PPM1E: variants seen among roughly 807,000 people sequenced by gnomAD.
PPM1E encodes protein phosphatase, Mg2+/Mn2+ dependent 1E, also known as protein phosphatase 1E.
PPM1E carries 20 observed loss-of-function variants against 65.9 expected under a neutral mutation model. The observed-to-expected ratio is 0.30, with a 90% CI of 0.21 to 0.44. PPM1E has a LOEUF of 0.44. Ranked by LOEUF, PPM1E falls within the 20% of genes least tolerant of loss-of-function variation. PPM1E has a pLI of 1.00. For missense variants in PPM1E, 713 were observed against 953.1 expected (o/e 0.75, Z 3.32); for synonymous variants, 352 against 374.9 (o/e 0.94, Z 0.70).
intron 1 of PPM1E, among the ~76,000 whole-genome samples, chr17:58,772,510 T>C (rs2049950257): frequency 1.3e-5 from 2 of 151,032 alleles, no homozygotes; most frequent in African/African-American, 4.9e-5. Context: ...CTGAGACACA[T>C]TTGCCAAAGT....
At chr17:58,915,506 G>C (rs377765412) in intron 1 of PPM1E, among the ~76,000 whole-genome samples, 3 of 152,134 alleles carry the variant, frequency 2.0e-5, no homozygotes, top group Non-Finnish European at 2.9e-5. Context: ...ATGCCTAACT[G>C]TCTGAGAATG....
intron 1 of PPM1E, among the ~76,000 whole-genome samples, chr17:58,906,945 G>T (rs2051565293): frequency 6.6e-6 from 1 of 152,082 alleles, no homozygotes; most frequent in African/African-American, 2.4e-5. Flanking sequence ...TTATTTAGAA[G>T]TGAATTGTTG....
At chr17:58,831,804 C>CT (rs2050608793) in intron 1 of PPM1E, among the ~76,000 whole-genome samples, 1 of 152,114 alleles carries the variant, frequency 6.6e-6, no homozygotes, top group East Asian at 1.9e-4. Context: ...ATTTGTTAAT[C>CT]TTTTTTGTCT....
chr17:58,794,053 C>T (rs751254361), intron 1 of PPM1E, among the ~76,000 whole-genome samples: 10 of 152,080 alleles, frequency 6.6e-5, no homozygotes, highest in Admixed American at 1.3e-4. Context: ...AGCAATTCTC[C>T]CTGCCTCAGC....
intron 1 of PPM1E, among the ~76,000 whole-genome samples, chr17:58,948,589 G>A (rs928359645): frequency 1.3e-4 from 20 of 152,128 alleles, no homozygotes; most frequent in Admixed American, 2.6e-4. Flanking sequence ...AATGTTTAAC[G>A]CTGGAGCCTT....
At chr17:58,773,814 G>T (rs530423493) in intron 1 of PPM1E, among the ~76,000 whole-genome samples, 1 of 152,054 alleles carries the variant, frequency 6.6e-6, no homozygotes, top group Non-Finnish European at 1.5e-5. Flanking sequence ...GCTCCTGCCC[G>T]CGCCTACTGA....
intron 1 of PPM1E, among the ~76,000 whole-genome samples, chr17:58,800,794 T>C (rs887316803): frequency 6.6e-6 from 1 of 152,150 alleles, no homozygotes; most frequent in Non-Finnish European, 1.5e-5. Context: ...TGGGTGATGG[T>C]CTCTGTTCTT....
At chr17:58,856,890 A>G (rs1457197946) in intron 1 of PPM1E, among the ~76,000 whole-genome samples, 1 of 152,238 alleles carries the variant, frequency 6.6e-6, no homozygotes, top group Non-Finnish European at 1.5e-5. Context: ...TAATACAGTC[A>G]TGATAGTAAT....
At chr17:58,832,642 G>C (rs773121065) in intron 1 of PPM1E, among the ~76,000 whole-genome samples, 4 of 152,112 alleles carry the variant, frequency 2.6e-5, no homozygotes, top group Non-Finnish European at 4.4e-5. Flanking sequence ...TATTTTTAGA[G>C]TCATGTAGAA....
chr17:58,900,387 G>C (rs1253694843), intron 1 of PPM1E, among the ~76,000 whole-genome samples: 1 of 152,194 alleles, frequency 6.6e-6, no homozygotes, highest in African/African-American at 2.4e-5. Context: ...TCAGTCAGCA[G>C]CCATCAACGT....
Position 58,980,320 on chromosome 17 carries a change from G to A in PPM1E, c.1557G>A (p.Lys519=), listed in dbSNP as rs2031281605. 1 of 1,614,010 alleles carries A rather than the reference G, an allele frequency of 6.2e-7. No individual in the cohort carries two copies. The highest frequency in any genetic ancestry group is 1.7e-5 in the Admixed American group (1 of 60,008). The change falls in exon 7 of 7, where the codon AAG becomes AAA. Residue 519 remains lysine (K), a synonymous_variant. Coordinates refer to ENST00000308249, the MANE Select transcript of PPM1E (RefSeq NM_014906.5). The surrounding 1 kb of genome is among the most constrained non-coding windows in gnomAD (Gnocchi z 4.7). The stretch of plus-strand genomic sequence containing the variant: ...GGCAAGAAGATGGTGGGGATGATAA[G>A]GAGAATCATGGAGAGTGCAAACGCC... The part of the protein sequence containing the change: ...QGGQEDGGDD[K]ENHGECKRPW...
At chr17:58,912,184 A>G (rs529922798) in intron 1 of PPM1E, among the ~76,000 whole-genome samples, 1 of 152,270 alleles carries the variant, frequency 6.6e-6, no homozygotes, top group South Asian at 2.1e-4. Context: ...GTATGTTCGG[A>G]TATGTCTGGG....
rs777582558 is a variant in PPM1E, at chr17:58,980,589, A to C, written c.1826A>C (p.Glu609Ala). ...KANLINELMM[E>A]KKSVQSSLPE... is the part of the protein sequence containing the mutation. ...AATCTTATTAATGAGTTAATGATGG[A>C]GAAAAAATCAGTTCAGTCATCATTG... Residue 609 changes from glutamate to alanine, a missense_variant, in exon 7 of 7, where the codon GAG becomes GCG. Physicochemically the swap from Glu to Ala is moderately radical, Grantham distance 107 (BLOSUM62 -1). This residue lies in a region of PPM1E where 286 missense variants were observed against 313.8 expected (regional missense o/e 0.91). Transcript: ENST00000308249. The surrounding 1 kb of genome is among the most constrained non-coding windows in gnomAD (Gnocchi z 4.7). 6.2e-6 allele frequency: 10 copies of C among 1,614,080 alleles called. No homozygotes were observed. In the South Asian group the frequency reaches 1.1e-4, roughly 18 times the overall value.
Position 58,965,768 on chromosome 17 carries a change from T to A in PPM1E, c.658T>A (p.Phe220Ile), listed in dbSNP as rs751194838. The change falls in exon 3 of 7, where the codon TTC becomes ATC. Residue 220 changes from phenylalanine (F) to isoleucine (I), a missense_variant. By Grantham distance (21) the Phe-to-Ile change is conservative. Coordinates refer to ENST00000308249, the MANE Select transcript of PPM1E (RefSeq NM_014906.5). ...GATTTGCTGCAGCTGGGTGAAAGAC[T>A]TCCCCCTCCGCAGGAGACCCCAGCT... ...HEICCSWVKD[F>I]PLRRRPQLYY... 2.5e-6 allele frequency: 4 copies of A among 1,614,016 alleles called. No homozygotes were observed. Among genetic ancestry groups the A allele is most frequent in the African/African-American group, 2.7e-5 (2 of 74,904 alleles).
chr17:58,940,363 T>C (rs577445675), intron 1 of PPM1E, among the ~76,000 whole-genome samples: 76 of 152,364 alleles, frequency 5.0e-4, no homozygotes, highest in African/African-American at 1.8e-3. Context: ...TTATTCATGC[T>C]AAGTGTTACA....
chr17:58,772,466 A>G (rs1191346364), intron 1 of PPM1E, among the ~76,000 whole-genome samples: 7 of 152,072 alleles, frequency 4.6e-5, no homozygotes, highest in Admixed American at 4.6e-4. Context: ...AAAAAAAAAA[A>G]AGATATAGCA....
At chr17:58,809,541 G>A (rs1295686994) in intron 1 of PPM1E, among the ~76,000 whole-genome samples, 1 of 152,040 alleles carries the variant, frequency 6.6e-6, no homozygotes, top group African/African-American at 2.4e-5. Context: ...GCTCCACAAG[G>A]CTGGGCTAAT....
chr17:58,961,978 C>T (rs944651178), intron 2 of PPM1E, among the ~76,000 whole-genome samples: 11 of 151,910 alleles, frequency 7.2e-5, no homozygotes, highest in African/African-American at 2.2e-4. Flanking sequence ...ACCACTGCAC[C>T]CTACTGATTA....
At chr17:58,762,083 C>T (rs1158631497) in intron 1 of PPM1E, among the ~76,000 whole-genome samples, 2 of 152,172 alleles carry the variant, frequency 1.3e-5, no homozygotes, top group African/African-American at 4.8e-5. Flanking sequence ...ATCCTTTCTC[C>T]AATTTTTAGG....
Sources: allele counts gnomAD v4.1 joint callset (sites outside exome capture counted in the v4.1 genomes callset), GRCh38; gene constraint gnomAD v4.1.1; regional missense constraint gnomAD v4.1.1; non-coding constraint Gnocchi (gnomAD v3.1); transcripts MANE v1.5; gene names NCBI Gene and HGNC (gene_info 2026-07-23, HGNC 2026-07-21).